The following KIT variants were observed in gnomAD, a reference collection of about 807,000 sequenced individuals.
KIT encodes the protein KIT proto-oncogene, receptor tyrosine kinase.
Under a neutral mutation model 105.7 loss-of-function variants are expected in KIT, and 16 were observed. The observed-to-expected ratio is 0.15, with a 90% CI of 0.10 to 0.23. The LOEUF (loss-of-function observed/expected upper bound fraction) is 0.23, where lower values mean the gene tolerates loss of function less well. Among genes scored for constraint, KIT ranks in the 10% least tolerant of loss-of-function variants. KIT has a pLI of 1.00. For missense variants in KIT, 858 were observed against 1,213.8 expected, an observed-to-expected ratio of 0.71 and a Z score of 4.36; for synonymous variants, 438 against 441.1, an observed-to-expected ratio of 0.99 and a Z score of 0.09.
intron 13 of KIT, 96 bp from the exon 14 acceptor site, chr4:54,729,239 T>A: frequency 7.7e-7 from 1 of 1,299,414 alleles, no homozygotes; most frequent in Non-Finnish European, 1.1e-6. Context: ...TGAAGCTGAA[T>A]ATTAATGGCC....
At chr4:54,721,236 G>A (rs182351254) in intron 7 of KIT, among the ~76,000 whole-genome samples, 12 of 152,330 alleles carry the variant, frequency 7.9e-5, no homozygotes, top group Admixed American at 2.6e-4. Flanking sequence ...AAGGAAAGGA[G>A]AGAGACCAGC....
intron 1 of KIT, among the ~76,000 whole-genome samples, chr4:54,674,756 C>T (rs1425391006): frequency 6.6e-6 from 1 of 152,156 alleles, no homozygotes; most frequent in African/African-American, 2.4e-5. Flanking sequence ...GCTTTCTAAG[C>T]TTATTGTTTA....
At position 54,740,109 on chromosome 4, in the gene KIT, T is replaced by C. The variant is rs1471712166; in HGVS notation, c.*1552T>C. On this transcript the variant is annotated 3_prime_UTR_variant, in exon 21 of 21. Coordinates refer to ENST00000288135, the MANE Select transcript of KIT (RefSeq NM_000222.3). ...TGTACATGGCAGAGTTTGTGTGTTG[T>C]CTTGAAAGATTCAGGTATGTTGCCT... The C allele has an allele frequency of 3.0e-5, 7 of 233,564 alleles. No individual in the cohort carries two copies. The highest frequency in any genetic ancestry group is 8.8e-5 in the African/African-American group (4 of 45,362). 14.5% of individuals were successfully genotyped at this position (233,564 alleles called of 1,614,324 possible).
intron 1 of KIT, among the ~76,000 whole-genome samples, chr4:54,675,549 GTGTGCTTTTAAACCAA>G (rs1283313028): frequency 6.6e-6 from 1 of 152,206 alleles, no homozygotes; most frequent in Non-Finnish European, 1.5e-5. Context: ...TTGTCCATTA[GTGTGCTTTTAAACCAA>G]TGTGATTGTT....
intron 1 of KIT, among the ~76,000 whole-genome samples, chr4:54,694,835 G>C (rs1719945403): frequency 6.6e-6 from 1 of 152,210 alleles, no homozygotes; most frequent in African/African-American, 2.4e-5. Context: ...TGAAGTGGCT[G>C]TTGTAAAATT....
At position 54,690,061 on chromosome 4, in the gene KIT, G is replaced by C. The variant is rs375640034; in HGVS notation, c.68-5451G>C. On this transcript the variant is annotated intron_variant, in intron 1 of 20. Coordinates refer to ENST00000288135, the MANE Select transcript of KIT (RefSeq NM_000222.3). ...ATAGAATGTTACTTTTTTTTTGTGG[G>C]GGGGGGGGGCTGTGTAATGTTCCAT... is the stretch of plus-strand genomic sequence containing the variant. Among the ~76,000 whole-genome samples, 7 of 137,508 alleles carry C rather than the reference G, an allele frequency of 5.1e-5. No individual in the cohort carries two copies. In the South Asian group the frequency reaches 7.5e-4, roughly 15 times the overall value. The allele number at this position is 137,508 out of a possible 152,430, so 90.2% of individuals were successfully genotyped here. A position where few individuals can be genotyped will look rare whatever the true frequency, so the allele number is the denominator to read the frequency against.
chr4:54,740,240 A>G lies in KIT; in HGVS notation c.*1683A>G, dbSNP rs1723167551. On this transcript the variant is annotated 3_prime_UTR_variant, in exon 21 of 21. Coordinates refer to ENST00000288135, the MANE Select transcript of KIT (RefSeq NM_000222.3). The stretch of plus-strand genomic sequence containing the variant: ...AGTTCTATGCTCTCGCACCTTTCCA[A>G]AGTTAACAGATTTTGGGGTTGTGTT... 8.6e-6 allele frequency: 2 copies of G among 233,530 alleles called. No homozygotes were observed. Among genetic ancestry groups the G allele is most frequent in the East Asian group, 1.2e-4 (2 of 16,546 alleles). 14.5% of individuals were successfully genotyped at this position (233,530 alleles called of 1,614,324 possible).
intron 2 of KIT, among the ~76,000 whole-genome samples, chr4:54,697,299 A>T (rs1720139101): frequency 2.0e-5 from 3 of 152,202 alleles, no homozygotes; most frequent in Admixed American, 1.3e-4. Context: ...ATCAAGGATA[A>T]AACACAAACC....
chr4:54,712,610 T>C (rs1721231875), intron 7 of KIT, among the ~76,000 whole-genome samples: 1 of 152,222 alleles, frequency 6.6e-6, no homozygotes, highest in Non-Finnish European at 1.5e-5. Context: ...GGGGCAAAAT[T>C]GCTACTAGGC....
chr4:54,725,805 T>G, intron 8 of KIT, 52 bp from the exon 9 acceptor site: 1 of 1,474,794 alleles, frequency 6.8e-7, no homozygotes, highest in Non-Finnish European at 9.4e-7. Context: ...GTGTTTTATG[T>G]ATTTATTTAT....
chr4:54,687,500 T>C (rs541148600), intron 1 of KIT, among the ~76,000 whole-genome samples: 1 of 152,288 alleles, frequency 6.6e-6, no homozygotes, highest in East Asian at 1.9e-4. Flanking sequence ...AGCATTGCTC[T>C]GTAGGGTGAT....
In KIT at chr4:54,703,819, T is replaced by C. The variant is rs1213025241; in HGVS notation, c.852T>C (p.Asp284=). The C allele has an allele frequency of 6.2e-7, 1 of 1,613,968 alleles. No homozygotes were observed. Among genetic ancestry groups the C allele is most frequent in the Admixed American group, 1.7e-5 (1 of 60,020 alleles). ...TLTISSARVN[D]SGVFMCYANN... is the part of the protein sequence containing the mutation. ...CTATCAGTTCAGCGAGAGTTAATGA[T>C]TCTGGAGTGTTCATGTGTTATGCCA... Residue 284 remains aspartate, a synonymous_variant, in exon 5 of 21, where the codon GAT becomes GAC. Transcript: ENST00000288135.
chr4:54,727,134 G>A (rs746381173), intron 9 of KIT, 84 bp from the exon 10 acceptor site: 5 of 1,103,022 alleles, frequency 4.5e-6, no homozygotes, highest in Admixed American at 1.7e-5. Flanking sequence ...GAGTTGGGAG[G>A]TGGGGTCAGT....
chr4:54,696,731 C>T (rs79023613), intron 2 of KIT, among the ~76,000 whole-genome samples: 61 of 152,338 alleles, frequency 4.0e-4, no homozygotes, highest in Admixed American at 6.5e-4. Flanking sequence ...CATGCTCCAT[C>T]AGGAGCGAAT....
chr4:54,658,689 G>A (rs1304048850), intron 1 of KIT, among the ~76,000 whole-genome samples: 1 of 152,150 alleles, frequency 6.6e-6, no homozygotes, highest in Non-Finnish European at 1.5e-5. Context: ...CGAAGGCTGC[G>A]GCGTTTCCCC....
At position 54,695,684 on chromosome 4, in the gene KIT, T is replaced by A. The variant is rs1553887329; in HGVS notation, c.240T>A (p.Asn80Lys). ...ILDETNENKQ[N>K]EWITEKAEAT... is the part of the protein sequence containing the mutation. ...ATGAAACGAATGAGAATAAGCAGAATGAATGGATCACGGAAAAGGCAGAAG... is the reference window on the plus strand; with the variant it reads ...ATGAAACGAATGAGAATAAGCAGAAAGAATGGATCACGGAAAAGGCAGAAG... Residue 80 changes from asparagine (N) to lysine (K), a missense_variant, in exon 2 of 21, where the codon AAT becomes AAA. Around this residue, in one of 7 missense-constraint regions of KIT, gnomAD observed 401 missense variants for 601.0 expected, o/e 0.67. Coordinates refer to ENST00000288135, the MANE Select transcript of KIT (RefSeq NM_000222.3). The A allele has an allele frequency of 6.2e-7, 1 of 1,614,222 alleles. No homozygotes were observed. Among genetic ancestry groups the A allele is most frequent in the Non-Finnish European group, 8.5e-7 (1 of 1,180,032 alleles).
At chr4:54,667,558 T>A (rs74995222) in intron 1 of KIT, among the ~76,000 whole-genome samples, 5 of 151,560 alleles carry the variant, frequency 3.3e-5, no homozygotes, top group Admixed American at 6.6e-5. Context: ...CTTAAAAGAG[T>A]GGGGTGGAAT....
chr4:54,733,042 G>A (rs1722706863), intron 16 of KIT, 28 bp from the exon 17 acceptor site: 2 of 1,598,906 alleles, frequency 1.3e-6, no homozygotes, highest in Middle Eastern at 1.7e-4. Context: ...GAATTTAAAT[G>A]GTTTTCTTTT....
chr4:54,683,925 C>T (rs1719123647), intron 1 of KIT, among the ~76,000 whole-genome samples: 1 of 152,128 alleles, frequency 6.6e-6, no homozygotes, highest in Non-Finnish European at 1.5e-5. Context: ...TGCTTCATTG[C>T]AGAGAATGAA....
Sources: allele counts gnomAD v4.1 joint callset (sites outside exome capture counted in the v4.1 genomes callset), GRCh38; gene constraint gnomAD v4.1.1; regional missense constraint gnomAD v4.1.1; transcripts MANE v1.5; gene names NCBI Gene and HGNC (gene_info 2026-07-23, HGNC 2026-07-21).